Variants in SMPDL3A observed in about 807,000 individuals in gnomAD.
SMPDL3A encodes the protein cyclic GMP-AMP phosphodiesterase SMPDL3A.
A neutral mutation model predicts 38.5 loss-of-function variants in SMPDL3A; 39 were observed. The ratio of observed to expected loss-of-function variants is 1.01; its 90% CI spans 0.78 to 1.32. SMPDL3A has a LOEUF of 1.32. SMPDL3A is among the 40% of genes most tolerant of loss of function. The pLI, the probability that SMPDL3A is intolerant of heterozygous loss-of-function variation, is 0.00. For missense variants in SMPDL3A, 502 were observed against 536.2 expected (o/e 0.94, Z 0.63); for synonymous variants, 180 against 194.3 (o/e 0.93, Z 0.61).
Position 122,808,943 on chromosome 6 carries a change from C to T in SMPDL3A, c.1045-148C>T, listed in dbSNP as rs187986214. 187 of 641,522 alleles carry T rather than the reference C, an allele frequency of 2.9e-4. 2 individuals are homozygous for T. Among genetic ancestry groups the T allele is most frequent in the Admixed American group, 1.9e-3 (66 of 34,536 alleles). The allele number at this position is 641,522 out of a possible 1,614,324, so 39.7% of individuals were successfully genotyped here. ...TCCTGACCTCAGGTAACCCACCTGC[C>T]TCAGCCTCTCAAAGTGCTAGGATTA... On this transcript the variant is annotated intron_variant, in intron 7 of 7. Coordinates refer to ENST00000368440, the MANE Select transcript of SMPDL3A (RefSeq NM_006714.5).
chr6:122,803,707 G>A lies in SMPDL3A; in HGVS notation c.612G>A (p.Arg204=), dbSNP rs141932946. 78 of 1,613,850 alleles carry A rather than the reference G, an allele frequency of 4.8e-5. No homozygotes were observed. The highest frequency in any genetic ancestry group is 6.3e-5 in the Non-Finnish European group (74 of 1,179,882). The change falls in exon 5 of 8, where the codon AGG becomes AGA. Residue 204 remains arginine, a synonymous_variant. Transcript: ENST00000368440. ...SQKVTTNPNL[R]IISLNTNLYY... Reference sequence around the variant, plus strand: ...AAGTTACAACTAATCCAAACCTTAGGATCATCAGTCTAAACACAAACTTGT... The same window carrying A: ...AAGTTACAACTAATCCAAACCTTAGAATCATCAGTCTAAACACAAACTTGT...
chr6:122,794,889 G>T (rs747912715), intron 1 of SMPDL3A, among the ~76,000 whole-genome samples: 2 of 152,126 alleles, frequency 1.3e-5, no homozygotes, highest in Non-Finnish European at 2.9e-5. Context: ...GTGATATATA[G>T]TTCCTGGTTC....
chr6:122,807,532 T>G (rs1019133721), intron 7 of SMPDL3A, among the ~76,000 whole-genome samples: 3 of 152,102 alleles, frequency 2.0e-5, no homozygotes, highest in Non-Finnish European at 4.4e-5. Flanking sequence ...AAAAATTGAA[T>G]TGGATATTTG....
Position 122,789,389 on chromosome 6 carries a change from T to A in SMPDL3A, c.43T>A (p.Trp15Arg). The change falls in exon 1 of 8, where the codon TGG (tryptophan) becomes AGG (arginine). Residue 15 changes from tryptophan (W) to arginine (R), a missense_variant. Coordinates refer to ENST00000368440, the MANE Select transcript of SMPDL3A (RefSeq NM_006714.5). ...RALVCCLLTA[W>R]HCRSGLGLPV... ...ACTCGTCTGCTGCCTGCTGACTGCC[T>A]GGCACTGCCGCTCCGGCCTCGGGCT... 2 of 1,549,210 alleles carry A rather than the reference T, an allele frequency of 1.3e-6. No individual in the cohort carries two copies. The highest frequency in any genetic ancestry group is 8.7e-7 in the Non-Finnish European group (1 of 1,146,360).
In SMPDL3A at chr6:122,795,812, C is replaced by T. The variant is rs150400180; in HGVS notation, c.248C>T (p.Ser83Phe). ...PGPFGDVLCD[S>F]PYQLILSAFD... ...CCTTTTGGAGATGTTCTGTGTGATT[C>T]TCCATATCAACTTATTTTGTCAGCA... The change falls in exon 2 of 8, where the codon TCT (serine) becomes TTT (phenylalanine). Residue 83 changes from serine to phenylalanine, a missense_variant. Ser to Phe is a radical substitution (Grantham distance 155). Transcript: ENST00000368440. 5 of 1,613,926 alleles carry T rather than the reference C, an allele frequency of 3.1e-6. No individual in the cohort carries two copies. The African/African-American group carries it at 6.7e-5, about 22-fold the overall frequency.
chr6:122,807,651 T>C (rs533181214), intron 7 of SMPDL3A, among the ~76,000 whole-genome samples: 2 of 152,276 alleles, frequency 1.3e-5, no homozygotes, highest in East Asian at 1.9e-4. Context: ...ACTTCCCCTT[T>C]CTACAAACAT....
chr6:122,789,811 AG>A (rs2115155470), intron 1 of SMPDL3A: 1 of 984,828 alleles, frequency 1.0e-6, no homozygotes, highest in African/African-American at 1.7e-5. Context: ...GCGGGACTCA[AG>A]GGAAGAGGAA....
At position 122,789,468 on chromosome 6, in the gene SMPDL3A, C is replaced by T. The variant is rs770575948; in HGVS notation, c.112+10C>T. On this transcript the variant is annotated intron_variant, in intron 1 of 7. Coordinates refer to ENST00000368440, the MANE Select transcript of SMPDL3A (RefSeq NM_006714.5). Reference sequence around the variant, plus strand: ...CCTCCTCCGGCGATAGGTGAGTTGTCCGCGACCCTTCTCTTCCCAGCCGGC... The same window carrying T: ...CCTCCTCCGGCGATAGGTGAGTTGTTCGCGACCCTTCTCTTCCCAGCCGGC... 6.5e-6 allele frequency: 10 copies of T among 1,543,396 alleles called. No individual in the cohort carries two copies. Among genetic ancestry groups the T allele is most frequent in the Non-Finnish European group, 8.8e-6 (10 of 1,140,914 alleles).
chr6:122,808,647 C>A (rs1181829826), intron 7 of SMPDL3A, among the ~76,000 whole-genome samples: 19 of 55,816 alleles, frequency 3.4e-4, no homozygotes, highest in Admixed American at 1.6e-3. Flanking sequence ...TCCTTCCCCC[C>A]CTCCTCCCCC....
chr6:122,799,364 C>G (rs1023005085), intron 3 of SMPDL3A, among the ~76,000 whole-genome samples: 1 of 152,208 alleles, frequency 6.6e-6, no homozygotes, highest in African/African-American at 2.4e-5. Flanking sequence ...TGAGAGTAAT[C>G]ATGGGATTTA....
intron 2 of SMPDL3A, 78 bp from the exon 3 acceptor site, chr6:122,796,746 A>G: frequency 8.1e-7 from 1 of 1,233,850 alleles, no homozygotes; most frequent in Non-Finnish European, 1.2e-6. Flanking sequence ...AGTGATAGGT[A>G]TAGCAACGCA....
chr6:122,797,003 A>T, intron 3 of SMPDL3A, 35 bp downstream of exon 3: 2 of 1,586,580 alleles, frequency 1.3e-6, no homozygotes, highest in South Asian at 1.1e-5. Context: ...TGCTTAAAGA[A>T]TTTTTCCTAT....
chr6:122,797,203 C>G, intron 3 of SMPDL3A: 2 of 386,010 alleles, frequency 5.2e-6, no homozygotes, highest in Non-Finnish European at 9.1e-6. Flanking sequence ...ATAAAATTAT[C>G]CAGTTTGTGG....
chr6:122,806,387 A>G (rs1044673997), intron 7 of SMPDL3A, 30 bp downstream of exon 7: 20 of 1,580,510 alleles, frequency 1.3e-5, no homozygotes, highest in Non-Finnish European at 1.6e-5. Context: ...AGCTGACCCC[A>G]TATTTATGCA....
chr6:122,794,948 A>G (rs9490553), intron 1 of SMPDL3A, among the ~76,000 whole-genome samples: 6,475 of 152,248 alleles, frequency 0.043, 477 homozygotes, highest in African/African-American at 0.15. Context: ...CATCATATTT[A>G]TACGTCAATT....
In SMPDL3A at chr6:122,809,614, T is replaced by C. The variant is rs1781783032; in HGVS notation, c.*206T>C. 2.4e-6 allele frequency: 1 copy of C among 424,994 alleles called. No individual in the cohort carries two copies. The highest frequency in any genetic ancestry group is 2.0e-5 in the African/African-American group (1 of 50,252). 26.3% of individuals were successfully genotyped at this position (424,994 alleles called of 1,614,324 possible). ...ATATTTAAAGTGCTCATTAATAGAA[T>C]GATGGATGTAAATTGGATGTAAATA... On this transcript the variant is annotated 3_prime_UTR_variant, in exon 8 of 8. Transcript: ENST00000368440.
intron 3 of SMPDL3A, among the ~76,000 whole-genome samples, chr6:122,800,736 TTG>T (rs199501605): frequency 2.1e-5 from 3 of 143,098 alleles, no homozygotes; most frequent in East Asian, 4.6e-4. Context: ...TACACCTTTT[TTG>T]TTTGTTTGTT....
Position 122,805,079 on chromosome 6 carries a change from A to T in SMPDL3A, c.909A>T (p.Ser303=). Residue 303 remains serine (S), a synonymous_variant, in exon 6 of 8, where the codon TCA becomes TCT. Transcript: ENST00000368440. ...ACAGAGACAGCATTATGGTTCTTTCAGATAAAAAAGGTAATGTAATGCTGT... is the reference window on the plus strand; with the variant it reads ...ACAGAGACAGCATTATGGTTCTTTCTGATAAAAAAGGTAATGTAATGCTGT... ...HTHRDSIMVL[S]DKKGSPVNSL... 6.2e-7 allele frequency: 1 copy of T among 1,601,250 alleles called. No individual in the cohort carries two copies. The highest frequency in any genetic ancestry group is 8.5e-7 in the Non-Finnish European group (1 of 1,175,430).
intron 3 of SMPDL3A, chr6:122,797,201 AT>A (rs1158768429): frequency 5.1e-6 from 2 of 389,836 alleles, no homozygotes; most frequent in Non-Finnish European, 9.0e-6. Flanking sequence ...GAATAAAATT[AT>A]CCAGTTTGTG....
Sources: allele counts gnomAD v4.1 joint callset (sites outside exome capture counted in the v4.1 genomes callset), GRCh38; gene constraint gnomAD v4.1.1; transcripts MANE v1.5; gene names NCBI Gene and HGNC (gene_info 2026-07-23, HGNC 2026-07-21).